DIAPH2: variants seen among roughly 807,000 people sequenced by gnomAD.
The protein encoded by DIAPH2 is protein diaphanous homolog 2.
Under a neutral mutation model 92.7 loss-of-function variants are expected in DIAPH2, and 35 were observed. The ratio of observed to expected loss-of-function variants is 0.38; its 90% CI spans 0.29 to 0.50. The LOEUF is 0.50. Ranked by LOEUF, DIAPH2 falls within the 20% of genes least tolerant of loss-of-function variation. The probability of loss-of-function intolerance (pLI) is 0.94; values close to 1 mark genes in which losing one functional copy is unlikely to be tolerated. For synonymous variants in DIAPH2, 301 were observed against 280.4 expected (o/e 1.07, Z -0.73); for missense variants, 701 against 819.5 (o/e 0.86, Z 1.77).
intron 22 of DIAPH2, among the ~76,000 whole-genome samples, chrX:97,157,322 TAATAATAATAA>T (rs2067330946): frequency 1.3e-5 from 1 of 74,958 alleles, no homozygotes; most frequent in Admixed American, 1.5e-4. Flanking sequence ...CTCAAAATAA[TAATAATAATAA>T]TATAATAATA....
intron 4 of DIAPH2, among the ~76,000 whole-genome samples, chrX:96,841,988 A>G (rs1177913241): frequency 9.0e-6 from 1 of 111,160 alleles, no homozygotes; most frequent in African/African-American, 3.3e-5. Context: ...TTGAGCCAGG[A>G]TGAGCCAGGA....
intron 17 of DIAPH2, among the ~76,000 whole-genome samples, chrX:97,005,561 C>T (rs1048157386): frequency 1.8e-5 from 2 of 110,768 alleles, no homozygotes; most frequent in Admixed American, 9.6e-5. Context: ...TTTTTGGGGA[C>T]GGAGTCTCAC....
chrX:97,434,857 T>A (rs918985300), intron 26 of DIAPH2, among the ~76,000 whole-genome samples: 1 of 112,039 alleles, frequency 8.9e-6, no homozygotes, highest in African/African-American at 3.2e-5. Context: ...GTTACAGATT[T>A]CATGACAAAA....
In DIAPH2 at chrX:97,524,794, C is replaced by G. The variant is rs148926787; in HGVS notation, c.3242-74459C>G. On this transcript the variant is annotated intron_variant, in intron 26 of 26. Transcript: ENST00000324765. ...TGCTTTTGTTCACCAAGGTTCAACCCTCACACTCTACACAAGAATCTTTCT... is the reference window on the plus strand; with the variant it reads ...TGCTTTTGTTCACCAAGGTTCAACCGTCACACTCTACACAAGAATCTTTCT... Among the ~76,000 whole-genome samples, 404 of 111,882 alleles carry G rather than the reference C, an allele frequency of 3.6e-3. 2 individuals are homozygous for G. The highest frequency in any genetic ancestry group is 0.012 in the African/African-American group (376 of 30,844).
chrX:96,791,087 A>G (rs1980329251), intron 4 of DIAPH2, among the ~76,000 whole-genome samples: 1 of 111,876 alleles, frequency 8.9e-6, no homozygotes, highest in Admixed American at 9.5e-5. Context: ...GACTCATTGT[A>G]TTTTGCTCTC....
chrX:97,453,792 T>A (rs1033782315), intron 26 of DIAPH2, among the ~76,000 whole-genome samples: 1 of 112,098 alleles, frequency 8.9e-6, no homozygotes, highest in Non-Finnish European at 1.9e-5. Flanking sequence ...CGAAGAGAGA[T>A]AACACAGATT....
At chrX:96,859,979 C>G (rs1252416599) in intron 4 of DIAPH2, among the ~76,000 whole-genome samples, 2 of 111,978 alleles carry the variant, frequency 1.8e-5, no homozygotes, top group Non-Finnish European at 3.8e-5. Flanking sequence ...TAAATATGAA[C>G]TATGTTTTCT....
At chrX:96,810,922 C>T (rs1163427449) in intron 4 of DIAPH2, among the ~76,000 whole-genome samples, 2 of 111,596 alleles carry the variant, frequency 1.8e-5, no homozygotes, top group East Asian at 5.6e-4. Context: ...GTTACTGTAG[C>T]CTTGTAGTAT....
intron 22 of DIAPH2, among the ~76,000 whole-genome samples, chrX:97,184,059 A>G (rs1569322612): frequency 8.9e-6 from 1 of 112,326 alleles, no homozygotes; most frequent in Non-Finnish European, 1.9e-5. Flanking sequence ...AAATAATGAG[A>G]TGATTATTAT....
At position 97,600,455 on chromosome X, in the gene DIAPH2, C is replaced by CAAT. The variant is rs2071586374; in HGVS notation, c.*1142_*1144dup. The CAAT allele has an allele frequency of 9.0e-6, 1 of 110,810 alleles. No homozygotes were observed. The highest frequency in any genetic ancestry group is 3.3e-5 in the African/African-American group (1 of 30,590). 9.1% of individuals were successfully genotyped at this position (110,810 alleles called of 1,213,427 possible). A position where few individuals can be genotyped will look rare whatever the true frequency, so the allele number is the denominator to read the frequency against. On this transcript the variant is annotated 3_prime_UTR_variant, in exon 27 of 27. Coordinates refer to ENST00000324765, the MANE Select transcript of DIAPH2 (RefSeq NM_006729.5). The stretch of plus-strand genomic sequence containing the variant: ...GTGTATATATTTCTATCTCTTGCTA[C>CAAT]AATAATTCCAACTAAGTGAACTTCT...
intron 26 of DIAPH2, among the ~76,000 whole-genome samples, chrX:97,537,348 A>G (rs1335957282): frequency 8.9e-6 from 1 of 111,947 alleles, no homozygotes; most frequent in East Asian, 2.8e-4. Flanking sequence ...TCAAAATCCT[A>G]TCTTATATTT....
chrX:97,405,689 G>A (rs1316303659), intron 25 of DIAPH2, among the ~76,000 whole-genome samples: 3 of 111,588 alleles, frequency 2.7e-5, no homozygotes, highest in African/African-American at 9.8e-5. Context: ...TCAGAGTGTT[G>A]GTAGTAGTTC....
chrX:97,043,641 A>C (rs1021807912), intron 17 of DIAPH2, among the ~76,000 whole-genome samples: 1 of 111,182 alleles, frequency 9.0e-6, no homozygotes, highest in Non-Finnish European at 1.9e-5. Context: ...AGGGCCATGC[A>C]AGAAGGCTGC....
At chrX:96,953,701 G>T (rs1030289441) in intron 15 of DIAPH2, 1 of 112,421 alleles carries the variant, frequency 8.9e-6, no homozygotes, top group African/African-American at 3.3e-5. Flanking sequence ...TGATACCAGG[G>T]TCCATCTCTT....
intron 26 of DIAPH2, among the ~76,000 whole-genome samples, chrX:97,465,438 C>T (rs192998615): frequency 8.9e-6 from 1 of 111,732 alleles, no homozygotes; most frequent in Non-Finnish European, 1.9e-5. Flanking sequence ...TTTTTCATGT[C>T]CCCTAAACAA....
At position 97,603,625 on chromosome X, in the gene DIAPH2, T is replaced by G. The variant is rs1013822637; in HGVS notation, c.*4308T>G. On this transcript the variant is annotated 3_prime_UTR_variant, in exon 27 of 27. Coordinates refer to ENST00000324765, the MANE Select transcript of DIAPH2 (RefSeq NM_006729.5). The stretch of plus-strand genomic sequence containing the variant: ...AGCACTAAGAAGAAACTAAGCTATA[T>G]CTCTAACACTAGACTTGAAAATTTC... 4 of 112,234 alleles carry G rather than the reference T, an allele frequency of 3.6e-5. No homozygotes were observed. Among genetic ancestry groups the G allele is most frequent in the Non-Finnish European group, 7.5e-5 (4 of 53,275 alleles). 9.2% of individuals were successfully genotyped at this position (112,234 alleles called of 1,213,427 possible).
intron 22 of DIAPH2, among the ~76,000 whole-genome samples, chrX:97,210,081 TA>T (rs1486843853): frequency 9.0e-6 from 1 of 111,588 alleles, no homozygotes; most frequent in Non-Finnish European, 1.9e-5. Context: ...TCTTTGTAAT[TA>T]TACTATAATA....
intron 1 of DIAPH2, among the ~76,000 whole-genome samples, chrX:96,731,455 T>C (rs1025797396): frequency 9.0e-6 from 1 of 111,541 alleles, no homozygotes; most frequent in Non-Finnish European, 1.9e-5. Context: ...GGTGAGACTT[T>C]TGAATTATAT....
At chrX:96,922,147 C>G (rs940960861) in intron 9 of DIAPH2, among the ~76,000 whole-genome samples, 1 of 111,151 alleles carries the variant, frequency 9.0e-6, no homozygotes, top group Non-Finnish European at 1.9e-5. Flanking sequence ...AAATAACTTC[C>G]CTAGGGTCAC....
Sources: gnomAD v4.1 joint callset for allele counts (sites outside exome capture counted in the v4.1 genomes callset) on GRCh38, gnomAD v4.1.1 for gene constraint, MANE v1.5 for transcripts, NCBI Gene and HGNC (gene_info 2026-07-23, HGNC 2026-07-21) for gene names.